ANK2: variants seen among roughly 807,000 people sequenced by gnomAD.
The protein encoded by ANK2 is ankyrin 2, also known as ankyrin-2.
A neutral mutation model predicts 360.5 loss-of-function variants in ANK2; 83 were observed. The observed-to-expected ratio is 0.23, with a 90% CI of 0.19 to 0.28. The LOEUF (loss-of-function observed/expected upper bound fraction) is 0.28, where lower values mean the gene tolerates loss of function less well. ANK2 is among the 10% of genes least tolerant of loss of function. The probability of loss-of-function intolerance (pLI) is 1.00; values close to 1 mark genes in which losing one functional copy is unlikely to be tolerated. For synonymous variants in ANK2, 1,740 were observed against 1,759.5 expected (o/e 0.99, Z 0.28); for missense variants, 4,201 against 4,795.7 (o/e 0.88, Z 3.66).
intron 1 of ANK2, among the ~76,000 whole-genome samples, chr4:113,133,673 A>G (rs2096214562): frequency 6.6e-6 from 1 of 152,234 alleles, no homozygotes; most frequent in Admixed American, 6.5e-5. Context: ...AAAAATAATC[A>G]TAGTTAGCTT....
chr4:112,827,714 T>C (rs1490027926), intron 1 of ANK2: 1 of 545,146 alleles, frequency 1.8e-6, no homozygotes, highest in East Asian at 2.8e-5. Flanking sequence ...ATCACCAATA[T>C]GAAAGAGCAA....
chr4:112,890,441 TA>T (rs375033851), intron 1 of ANK2, among the ~76,000 whole-genome samples: 7 of 152,114 alleles, frequency 4.6e-5, no homozygotes, highest in African/African-American at 1.7e-4. Context: ...TGTAGAATAT[TA>T]CATGTCCTTC....
At chr4:112,881,977 C>T (rs953135217) in intron 1 of ANK2, 11 of 600,008 alleles carry the variant, frequency 1.8e-5, no homozygotes, top group Non-Finnish European at 3.1e-5. Flanking sequence ...CGTGACAAAC[C>T]CAGAGCCCCC....
Position 113,341,811 on chromosome 4 carries a change from C to A in ANK2, c.4017C>A (p.Pro1339=). ...KFVVFAKSHD[P]IEARLRCFCM... ...TAGTGTTTGCCAAATCACATGACCC[C>A]ATTGAAGCCAGGTTGAGGTGTTTCT... is the stretch of plus-strand genomic sequence containing the variant. Residue 1339 remains proline (P), a synonymous_variant, in exon 33 of 46, where the codon CCC becomes CCA. Transcript: ENST00000357077. The A allele has an allele frequency of 6.2e-7, 1 of 1,614,100 alleles. No homozygotes were observed. The highest frequency in any genetic ancestry group is 1.1e-5 in the South Asian group (1 of 91,080).
chr4:112,829,622 A>G (rs1440051319), intron 1 of ANK2, among the ~76,000 whole-genome samples: 1 of 152,016 alleles, frequency 6.6e-6, no homozygotes, highest in African/African-American at 2.4e-5. Flanking sequence ...AATCAAAACC[A>G]CAATGAGATA....
At chr4:112,896,504 G>T (rs1560997761) in intron 1 of ANK2, among the ~76,000 whole-genome samples, 1 of 152,204 alleles carries the variant, frequency 6.6e-6, no homozygotes, top group Admixed American at 6.5e-5. Flanking sequence ...AAGGATTGAG[G>T]AATGCAGCAT....
At chr4:112,921,350 G>A (rs2091447852) in intron 2 of ANK2, among the ~76,000 whole-genome samples, 1 of 147,548 alleles carries the variant, frequency 6.8e-6, no homozygotes. Flanking sequence ...TTTCTTATGA[G>A]AAATATTTTC....
At position 113,357,213 on chromosome 4, in the gene ANK2, A is replaced by C. The variant is rs760511790; in HGVS notation, c.8595A>C (p.Ile2865=). The C allele has an allele frequency of 6.0e-5, 97 of 1,613,998 alleles. No homozygotes were observed. The South Asian group carries it at 1.0e-3, about 17-fold the overall frequency. ...AAGGAAAAGAATTAGATGAAGACAT[A>C]TCTGCCACATCTTCTATTCAAAAAA... ...VSEGKELDED[I]SATSSIQKTE... The change falls in exon 38 of 46, where the codon ATA becomes ATC. Residue 2865 remains isoleucine, a synonymous_variant. Transcript: ENST00000357077.
chr4:113,118,728 G>A (rs2154370212), intron 1 of ANK2, among the ~76,000 whole-genome samples: 1 of 152,292 alleles, frequency 6.6e-6, no homozygotes, highest in Non-Finnish European at 1.5e-5. Flanking sequence ...GCCATTTTGT[G>A]GAGGTCGACT....
At chr4:113,111,240 C>A (rs1423701057) in intron 1 of ANK2, among the ~76,000 whole-genome samples, 1 of 152,040 alleles carries the variant, frequency 6.6e-6, no homozygotes, top group Non-Finnish European at 1.5e-5. Context: ...AATATTCTAT[C>A]AAAGGTTTAT....
chr4:112,865,109 A>G (rs1299313392), intron 1 of ANK2, among the ~76,000 whole-genome samples: 1 of 147,828 alleles, frequency 6.8e-6, no homozygotes, highest in Non-Finnish European at 1.5e-5. Context: ...TAGAAATAGC[A>G]TTAGTGCAAC....
In ANK2 at chr4:112,934,144, A is replaced by G. The variant is rs571392902; in HGVS notation, c.21+29630A>G. ...GTTTCGGGAGACAGAATTGTGACCA[A>G]TTTATGAGAGAATAAATTAGAAGGT... On this transcript the variant is annotated intron_variant, in intron 2 of 30. Coordinates refer to the ANK2 transcript ENST00000503271. Among the ~76,000 whole-genome samples, 42 of 152,336 alleles carry G rather than the reference A, an allele frequency of 2.8e-4. No individual in the cohort carries two copies. In the South Asian group the frequency reaches 8.1e-3, roughly 29 times the overall value.
intron 2 of ANK2, among the ~76,000 whole-genome samples, chr4:112,928,579 A>T (rs893953912): frequency 1.3e-5 from 2 of 152,078 alleles, no homozygotes; most frequent in African/African-American, 2.4e-5. Flanking sequence ...GGGGGTGATT[A>T]ATTTAAAATG....
chr4:112,885,822 A>AG (rs2078198862), intron 1 of ANK2, among the ~76,000 whole-genome samples: 1 of 151,432 alleles, frequency 6.6e-6, no homozygotes, highest in Non-Finnish European at 1.5e-5. Context: ...AAAAAAAAAA[A>AG]AAATTAAATA....
At chr4:113,342,967 C>A (rs1454715417) in intron 33 of ANK2, 50 bp from the exon 34 acceptor site, 1 of 1,609,886 alleles carries the variant, frequency 6.2e-7, no homozygotes, top group African/African-American at 1.3e-5. Flanking sequence ...GTGTAAACAA[C>A]AAGTATAATT....
the ANK2 span, among the ~76,000 whole-genome samples, chr4:112,708,671 C>A: frequency 6.6e-6 from 1 of 152,068 alleles, no homozygotes; most frequent in East Asian, 1.9e-4. Context: ...AAGCATCAAA[C>A]TATTTAAAAT....
intron 1 of ANK2, among the ~76,000 whole-genome samples, chr4:113,065,241 C>T (rs1271930247): frequency 1.3e-5 from 2 of 151,012 alleles, no homozygotes; most frequent in African/African-American, 4.9e-5. Flanking sequence ...GAACTTCTAA[C>T]AAAAATGTTA....
chr4:113,367,448 C>T, intron 41 of ANK2, 118 bp from the exon 42 acceptor site: 1 of 948,144 alleles, frequency 1.1e-6, no homozygotes, highest in East Asian at 2.6e-5. Context: ...ATGGGCCCAT[C>T]TCAGGATGTA....
At chr4:112,777,223 A>G in the ANK2 span, among the ~76,000 whole-genome samples, 1 of 152,098 alleles carries the variant, frequency 6.6e-6, no homozygotes, top group Non-Finnish European at 1.5e-5. Context: ...TGGCTCACCA[A>G]GTAAATTTTT....
Sources: allele counts gnomAD v4.1 joint callset (sites outside exome capture counted in the v4.1 genomes callset), GRCh38; gene constraint gnomAD v4.1.1; transcripts MANE v1.5; gene names NCBI Gene and HGNC (gene_info 2026-07-23, HGNC 2026-07-21).